Variants in ROBO2 observed in about 807,000 individuals in gnomAD.
ROBO2 encodes roundabout homolog 2.
Under a neutral mutation model 160.8 loss-of-function variants are expected in ROBO2, and 53 were observed. That is an observed-to-expected ratio of 0.33 (90% CI 0.26 to 0.41). ROBO2 has a LOEUF of 0.41. ROBO2 is among the 10% of genes least tolerant of loss of function. The pLI is 1.00. For synonymous variants in ROBO2, 664 were observed against 611.7 expected (o/e 1.09, Z -1.26); for missense variants, 1,577 against 1,722.4 (o/e 0.92, Z 1.49).
chr3:75,954,580 C>A (rs989034090), intron 2 of ROBO2, among the ~76,000 whole-genome samples: 1 of 151,856 alleles, frequency 6.6e-6, no homozygotes, highest in African/African-American at 2.4e-5. Flanking sequence ...AAAACACAGT[C>A]TTACATCACA....
chr3:76,718,550 C>T lies in ROBO2; in HGVS notation c.110-379464C>T, dbSNP rs369556694. On this transcript the variant is annotated intron_variant, in intron 2 of 26. Transcript: ENST00000487694. ...GAACAATTTACTGAAAGAAAACTTA[C>T]GATGAGTGAGCTTAAAACTCTTAGC... is the stretch of plus-strand genomic sequence containing the variant. 7.2e-5 allele frequency among the ~76,000 whole-genome samples: 11 copies of T among 152,242 alleles called. No homozygotes were observed. The East Asian group carries it at 7.7e-4, about 11-fold the overall frequency.
At chr3:76,449,569 A>G (rs76916605) in intron 2 of ROBO2, among the ~76,000 whole-genome samples, 1 of 152,132 alleles carries the variant, frequency 6.6e-6, no homozygotes, top group East Asian at 1.9e-4. Context: ...GAGCTGCTGA[A>G]CGTGCATGGT....
At chr3:77,237,411 TTGTG>T (rs71104662) in intron 2 of ROBO2, among the ~76,000 whole-genome samples, 3,540 of 131,096 alleles carry the variant, frequency 0.027, 54 homozygotes, top group African/African-American at 0.033. Flanking sequence ...TTGTTTTGTT[TTGTG>T]TGTGTGTGTG....
At chr3:76,034,019 AC>A (rs1424514789) in intron 2 of ROBO2, among the ~76,000 whole-genome samples, 2 of 152,220 alleles carry the variant, frequency 1.3e-5, no homozygotes, top group African/African-American at 2.4e-5. Flanking sequence ...CACATGGGCA[AC>A]CCAGATTCAG....
chr3:76,142,975 G>A (rs1020809775), intron 2 of ROBO2, among the ~76,000 whole-genome samples: 4 of 151,832 alleles, frequency 2.6e-5, no homozygotes, highest in Admixed American at 2.0e-4. Flanking sequence ...TAGTGGTTGA[G>A]TTATGAAATA....
chr3:77,017,571 C>T (rs1225885079), intron 2 of ROBO2, among the ~76,000 whole-genome samples: 2 of 152,094 alleles, frequency 1.3e-5, no homozygotes, highest in Non-Finnish European at 2.9e-5. Context: ...TTCTCCTTAT[C>T]ACAAGAAAAG....
chr3:76,336,253 C>T (rs1414848249), intron 2 of ROBO2, among the ~76,000 whole-genome samples: 1 of 152,190 alleles, frequency 6.6e-6, no homozygotes, highest in Non-Finnish European at 1.5e-5. Context: ...AAGAAAATCA[C>T]TTTGCCAATG....
chr3:76,082,012 C>G (rs1047690072), intron 2 of ROBO2, among the ~76,000 whole-genome samples: 1 of 151,986 alleles, frequency 6.6e-6, no homozygotes, highest in African/African-American at 2.4e-5. Flanking sequence ...TAATTGAGCC[C>G]CCAACCGTTA....
intron 2 of ROBO2, among the ~76,000 whole-genome samples, chr3:76,312,337 G>A (rs1027528222): frequency 3.3e-5 from 5 of 152,176 alleles, no homozygotes; most frequent in Non-Finnish European, 4.4e-5. Context: ...TTCAAGAGAA[G>A]CATGTATATT....
At chr3:77,455,657 C>G (rs1462626070) in intron 2 of ROBO2, among the ~76,000 whole-genome samples, 3 of 151,988 alleles carry the variant, frequency 2.0e-5, no homozygotes, top group Admixed American at 2.0e-4. Context: ...GTCTCGATCT[C>G]CTGACCTCGT....
intron 2 of ROBO2, among the ~76,000 whole-genome samples, chr3:76,856,447 A>G (rs1362663079): frequency 6.6e-6 from 1 of 152,222 alleles, no homozygotes; most frequent in Non-Finnish European, 1.5e-5. Flanking sequence ...AAGAGCACCT[A>G]TAACCTACTC....
intron 2 of ROBO2, among the ~76,000 whole-genome samples, chr3:77,362,520 C>G (rs961546539): frequency 6.6e-6 from 1 of 152,088 alleles, no homozygotes; most frequent in African/African-American, 2.4e-5. Flanking sequence ...TCTTGCTAAA[C>G]TGACTTAGCA....
chr3:77,044,981 G>A (rs1039898835), intron 1 of ROBO2, among the ~76,000 whole-genome samples: 2 of 151,482 alleles, frequency 1.3e-5, no homozygotes, highest in African/African-American at 2.4e-5. Flanking sequence ...TTCCATGTGT[G>A]CCTTTATTAG....
intron 12 of ROBO2, among the ~76,000 whole-genome samples, chr3:77,565,557 A>G (rs1272294153): frequency 6.6e-6 from 1 of 152,078 alleles, no homozygotes; most frequent in African/African-American, 2.4e-5. Flanking sequence ...CTGGGTAAGC[A>G]GCATCTGCAT....
chr3:77,151,677 C>T (rs1050590507), intron 2 of ROBO2, among the ~76,000 whole-genome samples: 1 of 152,058 alleles, frequency 6.6e-6, no homozygotes, highest in Admixed American at 6.6e-5. Flanking sequence ...ACCAAGTGCC[C>T]AACACATTTT....
At chr3:76,666,105 C>G (rs2092035899) in intron 2 of ROBO2, among the ~76,000 whole-genome samples, 1 of 147,804 alleles carries the variant, frequency 6.8e-6, no homozygotes, top group Non-Finnish European at 1.5e-5. Flanking sequence ...TTTCCCTTTC[C>G]TATAGCTGTA....
chr3:76,855,514 T>C (rs2148573722), intron 2 of ROBO2, among the ~76,000 whole-genome samples: 1 of 152,358 alleles, frequency 6.6e-6, no homozygotes, highest in East Asian at 1.9e-4. Context: ...AATAGTTCTC[T>C]TTTGATAAGA....
chr3:76,128,711 T>A (rs2071102199), intron 2 of ROBO2, among the ~76,000 whole-genome samples: 1 of 152,040 alleles, frequency 6.6e-6, no homozygotes, highest in Non-Finnish European at 1.5e-5. Flanking sequence ...GGCTGGGTAA[T>A]CCCAGCAAAA....
At chr3:75,992,836 G>A (rs902744382) in intron 2 of ROBO2, among the ~76,000 whole-genome samples, 1 of 152,224 alleles carries the variant, frequency 6.6e-6, no homozygotes, top group Admixed American at 6.5e-5. Flanking sequence ...GCATGACATG[G>A]ATGGGAGACA....
Sources: gnomAD v4.1 joint callset for allele counts (sites outside exome capture counted in the v4.1 genomes callset) on GRCh38, gnomAD v4.1.1 for gene constraint, MANE v1.5 for transcripts, NCBI Gene and HGNC (gene_info 2026-07-23, HGNC 2026-07-21) for gene names.